NUP205: variants seen among roughly 807,000 people sequenced by gnomAD.
NUP205 encodes nucleoporin 205.
In NUP205, 76 loss-of-function variants were observed where a neutral mutation model predicts 253.8. That is an observed-to-expected ratio of 0.30 (90% CI 0.25 to 0.36). The LOEUF (loss-of-function observed/expected upper bound fraction) is 0.36. NUP205 is among the 10% of genes least tolerant of loss of function. The pLI, the probability that NUP205 is intolerant of heterozygous loss-of-function variation, is 1.00. For synonymous variants in NUP205, 832 were observed against 850.1 expected (o/e 0.98, Z 0.37); for missense variants, 2,162 against 2,425.5 (o/e 0.89, Z 2.28).
intron 1 of NUP205, among the ~76,000 whole-genome samples, chr7:135,564,371 C>G (rs1293661847): frequency 3.3e-5 from 5 of 151,082 alleles, no homozygotes; most frequent in African/African-American, 1.2e-4. Flanking sequence ...CCCGGCCTCC[C>G]AAGTAACTGG....
intron 22 of NUP205, among the ~76,000 whole-genome samples, chr7:135,609,581 G>A (rs559353129): frequency 6.6e-6 from 1 of 151,842 alleles, no homozygotes; most frequent in South Asian, 2.1e-4. Context: ...TTGGGAGGCG[G>A]AGCTTGCAGT....
At chr7:135,594,926 C>T (rs1156777999) in intron 13 of NUP205, among the ~76,000 whole-genome samples, 197 bp downstream of exon 13, 1 of 152,198 alleles carries the variant, frequency 6.6e-6, no homozygotes, top group Non-Finnish European at 1.5e-5. Flanking sequence ...GATAACATCA[C>T]TAGGTTACCA....
chr7:135,642,380 G>A (rs981238172), intron 38 of NUP205, among the ~76,000 whole-genome samples: 20 of 151,760 alleles, frequency 1.3e-4, no homozygotes, highest in Non-Finnish European at 2.6e-4. Flanking sequence ...CTGTAGGGAC[G>A]GGGTCTCTGT....
At chr7:135,567,425 CAAAAAAAAAA>C (rs760535798) in intron 1 of NUP205, among the ~76,000 whole-genome samples, 1 of 65,024 alleles carries the variant, frequency 1.5e-5, no homozygotes, top group Non-Finnish European at 2.8e-5. Context: ...CTGTCTATAC[CAAAAAAAAAA>C]AAAAAAAAAA....
Position 135,590,777 on chromosome 7 carries a change from C to T in NUP205, c.1474-673C>T, listed in dbSNP as rs778616888. ...TGATCTCTTGACCTCGTGATCTGCC[C>T]GCCTTGGCCTCCCAAAGTGCTGGGA... On this transcript the variant is annotated intron_variant, in intron 10 of 42. Transcript: ENST00000285968. 8.3e-4 allele frequency among the ~76,000 whole-genome samples: 126 copies of T among 152,142 alleles called. 1 individual carries two copies. The highest frequency in any genetic ancestry group is 1.1e-3 in the Admixed American group (17 of 15,268).
In NUP205 at chr7:135,615,928, C is replaced by G. The variant is rs1233015591; in HGVS notation, c.3323C>G (p.Ser1108Cys). The G allele has an allele frequency of 6.8e-6, 11 of 1,608,844 alleles. No homozygotes were observed. The highest frequency in any genetic ancestry group is 9.3e-6 in the Non-Finnish European group (11 of 1,177,816). Residue 1108 changes from serine (S) to cysteine (C), a missense_variant, in exon 24 of 43, where the codon TCT (serine) becomes TGT (cysteine). Transcript: ENST00000285968. ...GTTTAAATTCTAGAATATGAAATAT[C>G]TATGCTGAACCAGATGTCATGGCTT... is the stretch of plus-strand genomic sequence containing the variant. ...LPFSNKEYEISMLNQMSWLMK... is the reference protein window; with the variant it reads ...LPFSNKEYEICMLNQMSWLMK...
Position 135,578,884 on chromosome 7 carries a change from G to A in NUP205, c.1011G>A (p.Leu337=), listed in dbSNP as rs1204766003. 9 of 1,607,090 alleles carry A rather than the reference G, an allele frequency of 5.6e-6. No homozygotes were observed. The highest frequency in any genetic ancestry group is 1.3e-5 in the African/African-American group (1 of 74,542). The change falls in exon 7 of 43, where the codon TTG becomes TTA. Residue 337 remains leucine, a synonymous_variant. Coordinates refer to ENST00000285968, the MANE Select transcript of NUP205 (RefSeq NM_015135.3). ...ATVRLAWALA[L]RGISQLPDVT... is the part of the protein sequence containing the mutation. Reference sequence around the variant, plus strand: ...TTAGACTTGCCTGGGCGCTGGCATTGAGGGGAATATCCCAGCTACCTGATG... The same window carrying A: ...TTAGACTTGCCTGGGCGCTGGCATTAAGGGGAATATCCCAGCTACCTGATG...
At chr7:135,645,093 T>G in intron 40 of NUP205, 75 bp downstream of exon 40, 1 of 1,550,734 alleles carries the variant, frequency 6.4e-7, no homozygotes, top group Non-Finnish European at 8.8e-7. Context: ...TCATATTATT[T>G]GGGCACCAAA....
chr7:135,567,980 C>G (rs1341341886), intron 1 of NUP205, among the ~76,000 whole-genome samples: 1 of 152,126 alleles, frequency 6.6e-6, no homozygotes, highest in African/African-American at 2.4e-5. Flanking sequence ...AATCCCAGCA[C>G]TTTGGGAGGC....
chr7:135,571,209 A>G lies in NUP205; in HGVS notation c.133A>G (p.Lys45Glu). Residue 45 changes from lysine to glutamate, a missense_variant, in exon 2 of 43, where the codon AAA becomes GAA. Around this residue, in one of 5 missense-constraint regions of NUP205, gnomAD observed 109 missense variants for 131.8 expected, o/e 0.83. Coordinates refer to ENST00000285968, the MANE Select transcript of NUP205 (RefSeq NM_015135.3). The part of the protein sequence containing the change: ...AVHLLDKILK[K>E]HKPDFISLFK... ...TCACCTTCTTGATAAGATTTTGAAG[A>G]AACACAAACCTGACTTCATCTCATT... is the stretch of plus-strand genomic sequence containing the variant. 1 of 1,464,754 alleles carries G rather than the reference A, an allele frequency of 6.8e-7. No individual in the cohort carries two copies. The allele number at this position is 1,464,754 out of a possible 1,614,324, so 90.7% of individuals were successfully genotyped here. A position where few individuals can be genotyped will look rare whatever the true frequency, so the allele number is the denominator to read the frequency against.
chr7:135,560,272 A>C (rs1398616462), intron 1 of NUP205, among the ~76,000 whole-genome samples: 1 of 152,216 alleles, frequency 6.6e-6, no homozygotes, highest in Non-Finnish European at 1.5e-5. Context: ...CTGGGATTAC[A>C]GGCGTGAGCC....
chr7:135,571,509 G>A (rs1191438281), intron 2 of NUP205, among the ~76,000 whole-genome samples: 1 of 150,950 alleles, frequency 6.6e-6, no homozygotes, highest in African/African-American at 2.4e-5. Context: ...CAAAGTGCTG[G>A]GATTACAGAC....
intron 18 of NUP205, among the ~76,000 whole-genome samples, 199 bp downstream of exon 18, chr7:135,603,193 G>A (rs1358176956): frequency 7.1e-6 from 1 of 139,874 alleles, no homozygotes; most frequent in African/African-American, 2.7e-5. Context: ...TCAGCTCACT[G>A]CAAGCTCTGC....
intron 41 of NUP205, 151 bp downstream of exon 41, chr7:135,645,747 G>A: frequency 2.8e-6 from 2 of 706,152 alleles, no homozygotes; most frequent in South Asian, 3.9e-5. Context: ...GCTATTTCTT[G>A]CATTTTACTT....
At position 135,584,966 on chromosome 7, in the gene NUP205, C is replaced by T; in HGVS notation, c.1177C>T (p.His393Tyr). Residue 393 changes from histidine to tyrosine, a missense_variant, in exon 8 of 43, where the codon CAT (histidine) becomes TAT (tyrosine). This residue lies in a region of NUP205 where 892 missense variants were observed against 957.1 expected (regional missense o/e 0.93). Transcript: ENST00000285968. Reference protein sequence around the residue: ...YQEEFYIRRVHNLITDFLALM... With the variant: ...YQEEFYIRRVYNLITDFLALM... ...GGAAGAATTTTATATTCGCAGAGTC[C>T]ATAATCTCATCACAGATTTCCTTGC... is the stretch of plus-strand genomic sequence containing the variant. 6.2e-7 allele frequency: 1 copy of T among 1,613,542 alleles called. No individual in the cohort carries two copies. The highest frequency in any genetic ancestry group is 8.5e-7 in the Non-Finnish European group (1 of 1,179,598).
rs143470582 is a variant in NUP205, at chr7:135,595,161, T to C, written c.2013+432T>C. 3.3e-3 allele frequency among the ~76,000 whole-genome samples: 500 copies of C among 152,194 alleles called. 5 individuals carry two copies. The highest frequency in any genetic ancestry group is 0.011 in the African/African-American group (463 of 41,530). On this transcript the variant is annotated intron_variant, in intron 13 of 42. Transcript: ENST00000285968. Reference sequence around the variant, plus strand: ...GAAGTATCTCTGTATAGCTACATGGTCACTGGGGTTGTTTTTCCATTAAAG... The same window carrying C: ...GAAGTATCTCTGTATAGCTACATGGCCACTGGGGTTGTTTTTCCATTAAAG...
intron 30 of NUP205, among the ~76,000 whole-genome samples, chr7:135,622,206 C>T (rs537743478): frequency 2.6e-5 from 4 of 151,706 alleles, no homozygotes; most frequent in Admixed American, 6.5e-5. Context: ...AGGCAGATCA[C>T]GAGGTCAGGA....
chr7:135,606,252 A>G (rs766560355), intron 20 of NUP205, 26 bp downstream of exon 20: 90 of 1,402,914 alleles, frequency 6.4e-5, no homozygotes, highest in Non-Finnish European at 9.1e-5. Flanking sequence ...ATGTGCATAC[A>G]CGCATTCTTT....
chr7:135,594,837 A>T (rs1793789401), intron 13 of NUP205, 108 bp downstream of exon 13: 3 of 818,654 alleles, frequency 3.7e-6, no homozygotes, highest in Non-Finnish European at 5.7e-6. Flanking sequence ...TATCATGAAC[A>T]TCCCAACTAG....
Sources: allele counts gnomAD v4.1 joint callset (sites outside exome capture counted in the v4.1 genomes callset), GRCh38; gene constraint gnomAD v4.1.1; regional missense constraint gnomAD v4.1.1; transcripts MANE v1.5; gene names NCBI Gene and HGNC (gene_info 2026-07-23, HGNC 2026-07-21).